The following PRKN variants were observed in gnomAD, a reference collection of about 807,000 sequenced individuals.
The protein encoded by PRKN is parkin RBR E3 ubiquitin protein ligase, also known as E3 ubiquitin-protein ligase parkin.
Under a neutral mutation model 59.5 loss-of-function variants are expected in PRKN, and 56 were observed. That is an observed-to-expected ratio of 0.94 (90% confidence interval 0.76 to 1.18). The LOEUF (loss-of-function observed/expected upper bound fraction) is 1.18, where lower values mean the gene tolerates loss of function less well. Ranked by LOEUF, PRKN falls within the 50% of genes most tolerant of loss-of-function variation. The probability of loss-of-function intolerance (pLI) is 0.00; values close to 1 mark genes in which losing one functional copy is unlikely to be tolerated. For synonymous variants in PRKN, 250 were observed against 222.1 expected, an observed-to-expected ratio of 1.13 and a Z score of -1.12; for missense variants, 657 against 596.4, an observed-to-expected ratio of 1.10 and a Z score of -1.06.
chr6:162,688,209 T>G (rs1032732362), intron 1 of PRKN, among the ~76,000 whole-genome samples: 1 of 152,184 alleles, frequency 6.6e-6, no homozygotes, highest in African/African-American at 2.4e-5. Context: ...TAAAACATAA[T>G]GCATGATTCC....
intron 4 of PRKN, among the ~76,000 whole-genome samples, chr6:162,162,742 G>T (rs1782811855): frequency 6.6e-6 from 1 of 152,146 alleles, no homozygotes; most frequent in African/African-American, 2.4e-5. Flanking sequence ...GGGTGCGGTG[G>T]CTCATGCCTG....
At chr6:161,699,865 C>A (rs567744514) in intron 7 of PRKN, among the ~76,000 whole-genome samples, 5 of 152,272 alleles carry the variant, frequency 3.3e-5, no homozygotes, top group African/African-American at 1.2e-4. Context: ...TGTGCAGTTA[C>A]TTCAACTATT....
At chr6:161,365,105 T>C (rs1301058711) in intron 10 of PRKN, among the ~76,000 whole-genome samples, 1 of 152,002 alleles carries the variant, frequency 6.6e-6, no homozygotes, top group African/African-American at 2.4e-5. Flanking sequence ...GCAATTTGCT[T>C]CTAAACAAGG....
At chr6:161,491,335 A>G (rs1777547409) in intron 9 of PRKN, among the ~76,000 whole-genome samples, 1 of 152,204 alleles carries the variant, frequency 6.6e-6, no homozygotes, top group East Asian at 1.9e-4. Flanking sequence ...TGAACCACAC[A>G]GGGAGCGTGA....
At chr6:162,206,976 C>T (rs113505557) in intron 3 of PRKN, among the ~76,000 whole-genome samples, 2 of 152,128 alleles carry the variant, frequency 1.3e-5, no homozygotes, top group African/African-American at 2.4e-5. Context: ...TCTAGTTTAA[C>T]CAATATGTAC....
intron 4 of PRKN, among the ~76,000 whole-genome samples, chr6:162,114,800 A>T (rs1018512337): frequency 6.6e-6 from 1 of 151,950 alleles, no homozygotes; most frequent in Non-Finnish European, 1.5e-5. Context: ...ATGAGATACC[A>T]TCTCACACCA....
At chr6:161,792,860 C>T (rs762125557) in intron 6 of PRKN, among the ~76,000 whole-genome samples, 1 of 152,146 alleles carries the variant, frequency 6.6e-6, no homozygotes, top group African/African-American at 2.4e-5. Flanking sequence ...ATCTTCTTAA[C>T]GACTGTCACT....
intron 1 of PRKN, among the ~76,000 whole-genome samples, chr6:162,593,781 T>C (rs1439400310): frequency 2.0e-5 from 3 of 152,110 alleles, no homozygotes; most frequent in Admixed American, 2.0e-4. Context: ...AAAATTTTGG[T>C]AGATATTAAA....
Position 162,173,416 on chromosome 6 carries a change from T to C in PRKN, c.534+27715A>G, listed in dbSNP as rs112597504. Among the ~76,000 whole-genome samples the C allele has an allele frequency of 2.3e-3, 355 of 152,316 alleles. 4 individuals carry two copies. Among genetic ancestry groups the C allele is most frequent in the African/African-American group, 8.4e-3 (348 of 41,574 alleles). ...TCATTGTTCTTTAGTGGCTTGAGAT[T>C]TAAAGTGGCAACTCCATAAAAACTG... On this transcript the variant is annotated intron_variant, in intron 4 of 11. Transcript: ENST00000366898.
Position 162,235,910 on chromosome 6 carries a change from G to GAAGC in PRKN, c.412+26614_412+26615insGCTT, listed in dbSNP as rs1778643782. ...GAAAGAAAGAAAGAAGGAAAGGAAG[G>GAAGC]AAGGAAGGAAGGAAGGAAGGAAGGA... is the stretch of plus-strand genomic sequence containing the variant. On this transcript the variant is annotated intron_variant, in intron 3 of 11. Coordinates refer to ENST00000366898, the MANE Select transcript of PRKN (RefSeq NM_004562.3). Among the ~76,000 whole-genome samples, 24 of 50,342 alleles carry GAAGC rather than the reference G, an allele frequency of 4.8e-4. 2 individuals are homozygous for GAAGC. The highest frequency in any genetic ancestry group is 7.0e-3 in the East Asian group (2 of 286). 33.0% of individuals were successfully genotyped at this position (50,342 alleles called of 152,430 possible).
rs139101628 is a variant in PRKN, at chr6:162,572,116, C to T, written c.8-128643G>A. Among the ~76,000 whole-genome samples the T allele has an allele frequency of 2.6e-5, 4 of 152,244 alleles. 1 individual carries two copies. The highest frequency in any genetic ancestry group is 3.9e-4 in the East Asian group (2 of 5,172). Reference sequence around the variant, plus strand: ...AGACTTGAGCTCTGGCCCTCTATTACCCCCTTTAGGTACTGTCTCACCTGT... The same window carrying T: ...AGACTTGAGCTCTGGCCCTCTATTATCCCCTTTAGGTACTGTCTCACCTGT... On this transcript the variant is annotated intron_variant, in intron 1 of 11. Coordinates refer to ENST00000366898, the MANE Select transcript of PRKN (RefSeq NM_004562.3).
intron 7 of PRKN, among the ~76,000 whole-genome samples, chr6:161,587,040 G>C (rs1781546854): frequency 6.6e-6 from 1 of 152,158 alleles, no homozygotes; most frequent in Non-Finnish European, 1.5e-5. Flanking sequence ...CTATTGAGGG[G>C]CCTTAAAATA....
intron 1 of PRKN, among the ~76,000 whole-genome samples, chr6:162,720,827 T>C (rs576446563): frequency 1.1e-3 from 167 of 152,306 alleles, no homozygotes; most frequent in African/African-American, 3.9e-3. Flanking sequence ...TGCACTATTC[T>C]GGGTGACACG....
intron 7 of PRKN, among the ~76,000 whole-genome samples, chr6:161,763,962 A>G (rs1233170423): frequency 6.6e-6 from 1 of 152,024 alleles, no homozygotes; most frequent in African/African-American, 2.4e-5. Flanking sequence ...GTATTCTTTT[A>G]AAAATGCAGA....
intron 5 of PRKN, among the ~76,000 whole-genome samples, chr6:162,021,482 A>C (rs1783197578): frequency 7.9e-6 from 1 of 126,678 alleles, no homozygotes; most frequent in African/African-American, 3.1e-5. Flanking sequence ...TTTTTTCCTT[A>C]AGCTCTTTTT....
At chr6:162,488,564 A>C (rs995679307) in intron 1 of PRKN, among the ~76,000 whole-genome samples, 1 of 152,140 alleles carries the variant, frequency 6.6e-6, no homozygotes, top group Non-Finnish European at 1.5e-5. Context: ...CAGCATGATA[A>C]TGAAGAACAC....
chr6:162,254,747 C>T (rs547793702), intron 3 of PRKN, among the ~76,000 whole-genome samples: 2 of 152,236 alleles, frequency 1.3e-5, no homozygotes, highest in Non-Finnish European at 2.9e-5. Context: ...CCTAGCTAAT[C>T]TTCTCTTTCA....
chr6:162,021,455 ATATATATTT>A (rs66544132), intron 5 of PRKN, among the ~76,000 whole-genome samples: 14,904 of 48,964 alleles, frequency 0.3, 1,018 homozygotes, highest in Non-Finnish European at 0.35. Flanking sequence ...ATATATATAT[ATATATATTT>A]TTTTTTTTTT....
intron 4 of PRKN, among the ~76,000 whole-genome samples, chr6:162,182,513 A>C (rs1057465342): frequency 6.6e-6 from 1 of 152,282 alleles, no homozygotes; most frequent in Middle Eastern, 3.4e-3. Flanking sequence ...ACCACCTGGG[A>C]AAACATCACT....
Sources: allele counts gnomAD v4.1 joint callset (sites outside exome capture counted in the v4.1 genomes callset), GRCh38; gene constraint gnomAD v4.1.1; transcripts MANE v1.5; gene names NCBI Gene and HGNC (gene_info 2026-07-23, HGNC 2026-07-21).